NSD2: variants seen among roughly 807,000 people sequenced by gnomAD.
The protein encoded by NSD2 is nuclear receptor binding SET domain protein 2.
In NSD2, 12 loss-of-function variants were observed where a neutral mutation model predicts 139.0. The ratio of observed to expected loss-of-function variants is 0.09; its 90% CI spans 0.06 to 0.14. The LOEUF (loss-of-function observed/expected upper bound fraction) is 0.14, where lower values mean the gene tolerates loss of function less well. NSD2 is among the 10% of genes least tolerant of loss of function. The pLI is 1.00. For synonymous variants in NSD2, 669 were observed against 648.7 expected, an observed-to-expected ratio of 1.03 and a Z score of -0.48; for missense variants, 1,155 against 1,745.0, an observed-to-expected ratio of 0.66 and a Z score of 6.02.
intron 3 of NSD2, among the ~76,000 whole-genome samples, chr4:1,910,340 C>T (rs1023735756): frequency 2.0e-5 from 3 of 151,984 alleles, no homozygotes; most frequent in Admixed American, 6.6e-5. Flanking sequence ...ATTCTCCTGC[C>T]GCAGCCTCCC....
In NSD2 at chr4:1,955,351, TG is replaced by T; in HGVS notation, c.2518+16del. On this transcript the variant is annotated intron_variant, in intron 13 of 21. Coordinates refer to ENST00000508803, the MANE Select transcript of NSD2 (RefSeq NM_001042424.3). This position sits in a 1 kb window ranked among gnomAD's most constrained non-coding sequence, Gnocchi z 4.7. ...TCGTGTGCTCCAAAGGTGAGGGGCC[TG>T]GGGGTGTCTGCGGCACACGCCTCTC... is the stretch of plus-strand genomic sequence containing the variant. 6.2e-7 allele frequency: 1 copy of T among 1,602,674 alleles called. No homozygotes were observed.
At chr4:1,911,542 C>T (rs1259799000) in intron 3 of NSD2, among the ~76,000 whole-genome samples, 4 of 138,204 alleles carry the variant, frequency 2.9e-5, no homozygotes, top group Admixed American at 1.6e-4. Flanking sequence ...GACCCGAGAT[C>T]GCAGTACTGC....
chr4:1,971,013 C>T (rs1185001908), intron 18 of NSD2, among the ~76,000 whole-genome samples: 1 of 152,184 alleles, frequency 6.6e-6, no homozygotes, highest in Non-Finnish European at 1.5e-5. Flanking sequence ...ATCATAAAAC[C>T]GAATTCTCTG....
At chr4:1,871,693 G>T (rs1713774554) in intron 1 of NSD2, among the ~76,000 whole-genome samples, 151 bp downstream of exon 1, 1 of 148,410 alleles carries the variant, frequency 6.7e-6, no homozygotes, top group Admixed American at 6.7e-5. Context: ...CACTGAGGAG[G>T]CCTGAGGGGC....
intron 9 of NSD2, chr4:1,941,460 C>T (rs1723087366): frequency 9.5e-7 from 1 of 1,047,560 alleles, no homozygotes; most frequent in South Asian, 4.6e-5. Context: ...GAGGCCTGCC[C>T]ATGAGTCAGG....
chr4:1,981,829 A>G lies in NSD2; in HGVS notation c.*2920A>G, dbSNP rs2187692. 0.012 allele frequency: 4,953 copies of G among 398,404 alleles called. 50 individuals carry two copies. The highest frequency in any genetic ancestry group is 0.017 in the Non-Finnish European group (3,890 of 226,064). The allele number at this position is 398,404 out of a possible 1,614,324, so 24.7% of individuals were successfully genotyped here. ...GTCAGTTGCCAAATATCTTGATCCT[A>G]TGAGTGTAGTTGATGACTGTTTGTT... On this transcript the variant is annotated 3_prime_UTR_variant, in exon 22 of 22. Transcript: ENST00000508803.
At chr4:1,977,058 C>G (rs1727162360) in intron 21 of NSD2, among the ~76,000 whole-genome samples, 1 of 152,258 alleles carries the variant, frequency 6.6e-6, no homozygotes, top group Admixed American at 6.5e-5. Context: ...CAGTGTCTCC[C>G]TGGCAGCCCA....
At position 1,901,062 on chromosome 4, in the gene NSD2, G is replaced by T; in HGVS notation, c.408G>T (p.Lys136Asn). Reference sequence around the variant, plus strand: ...TCACCAAAACATACATGAATGGGAAGCCTCTCTTTGAATCTTCCATTTGTG... The same window carrying T: ...TCACCAAAACATACATGAATGGGAATCCTCTCTTTGAATCTTCCATTTGTG... ...LKITKTYMNGKPLFESSICGD... is the reference protein window; with the variant it reads ...LKITKTYMNGNPLFESSICGD... The change falls in exon 2 of 22, where the codon AAG becomes AAT. Residue 136 changes from lysine (K) to asparagine (N), a missense_variant. Physicochemically the swap from Lys to Asn is moderately conservative, Grantham distance 94. Coordinates refer to ENST00000508803, the MANE Select transcript of NSD2 (RefSeq NM_001042424.3). 6.2e-7 allele frequency: 1 copy of T among 1,614,196 alleles called. No homozygotes were observed. The highest frequency in any genetic ancestry group is 8.5e-7 in the Non-Finnish European group (1 of 1,180,030).
intron 3 of NSD2, chr4:1,912,155 G>C (rs1179091076): frequency 2.7e-6 from 1 of 372,926 alleles, no homozygotes; most frequent in Non-Finnish European, 5.3e-6. Context: ...AAGATTAATA[G>C]TGAAAAATCA....
chr4:1,883,563 G>A (rs1428361429), intron 1 of NSD2, among the ~76,000 whole-genome samples: 2 of 151,806 alleles, frequency 1.3e-5, no homozygotes, highest in East Asian at 3.9e-4. Context: ...ACCAGAAGGT[G>A]GAGGTTGCAG....
intron 12 of NSD2, among the ~76,000 whole-genome samples, 197 bp downstream of exon 12, chr4:1,953,721 A>G (rs1312340825): frequency 6.6e-6 from 1 of 151,800 alleles, no homozygotes; most frequent in Admixed American, 6.6e-5. Flanking sequence ...CATCCTAAAT[A>G]TCACCCTAAA....
chr4:1,913,373 C>T (rs1718939554), intron 3 of NSD2, among the ~76,000 whole-genome samples: 1 of 152,202 alleles, frequency 6.6e-6, no homozygotes, highest in African/African-American at 2.4e-5. Flanking sequence ...TCTGCTCCAC[C>T]ACCTCTTGTG....
At chr4:1,893,685 G>C (rs1315175492) in intron 1 of NSD2, 2 of 152,006 alleles carry the variant, frequency 1.3e-5, no homozygotes, top group African/African-American at 2.4e-5. Flanking sequence ...CCCAGTAGCT[G>C]GGATTATGGG....
chr4:1,939,739 C>T lies in NSD2; in HGVS notation c.1842C>T (p.Ser614=), dbSNP rs749350863. 6.2e-7 allele frequency: 1 copy of T among 1,614,142 alleles called. No individual in the cohort carries two copies. The highest frequency in any genetic ancestry group is 2.2e-5 in the East Asian group (1 of 44,884). ...CAGCATCTTCAGCTCTTGGGTTTAG[C>T]AAAAGTTCATCTCCTTCTGCATCCT... ...STAASSALGF[S]KSSSPSASLT... The change falls in exon 9 of 22, where the codon AGC becomes AGT. Residue 614 remains serine, a synonymous_variant. Transcript: ENST00000508803.
chr4:1,971,493 A>C (rs1726474383), intron 18 of NSD2, among the ~76,000 whole-genome samples: 2 of 152,180 alleles, frequency 1.3e-5, no homozygotes, highest in African/African-American at 4.8e-5. Context: ...AGGACAGAAT[A>C]CACTGGAGGA....
chr4:1,888,533 T>C (rs1715289441), intron 1 of NSD2, among the ~76,000 whole-genome samples: 1 of 151,980 alleles, frequency 6.6e-6, no homozygotes, highest in South Asian at 2.1e-4. Flanking sequence ...TTCCTCAGAA[T>C]TTTGAAGGCA....
chr4:1,968,110 T>C (rs1036907913), intron 18 of NSD2, among the ~76,000 whole-genome samples: 13 of 152,232 alleles, frequency 8.5e-5, no homozygotes, highest in African/African-American at 3.1e-4. Flanking sequence ...ATTCTAGTGC[T>C]CTGCTTATCT....
rs540490290 is a variant in NSD2 at position 1,919,769 on chromosome 4, T to C, written c.1410+1146T>C. On this transcript the variant is annotated intron_variant, in intron 5 of 21. Transcript: ENST00000508803. ...CAACATGATGAAACCCCGTCTCTACTAAAAATACAAAAAAAAATTAGCTGG... is the reference window on the plus strand; with the variant it reads ...CAACATGATGAAACCCCGTCTCTACCAAAAATACAAAAAAAAATTAGCTGG... Among the ~76,000 whole-genome samples, 7 of 152,062 alleles carry C rather than the reference T, an allele frequency of 4.6e-5. No homozygotes were observed. The South Asian group carries it at 1.5e-3, about 32-fold the overall frequency.
At chr4:1,944,468 A>G (rs892290599) in intron 9 of NSD2, 1 of 1,065,372 alleles carries the variant, frequency 9.4e-7, no homozygotes, top group African/African-American at 1.6e-5. Flanking sequence ...TCATACATGG[A>G]ACCATTTTAG....
Sources: allele counts gnomAD v4.1 joint callset (sites outside exome capture counted in the v4.1 genomes callset), GRCh38; gene constraint gnomAD v4.1.1; non-coding constraint Gnocchi (gnomAD v3.1); transcripts MANE v1.5; gene names NCBI Gene and HGNC (gene_info 2026-07-23, HGNC 2026-07-21).